AMOT: variants seen among roughly 807,000 people sequenced by gnomAD.
AMOT encodes angiomotin.
A neutral mutation model predicts 67.0 loss-of-function variants in AMOT; 11 were observed. The ratio of observed to expected loss-of-function variants is 0.16; its 90% CI spans 0.10 to 0.27. AMOT has a LOEUF of 0.27. Among genes scored for constraint, AMOT ranks in the 10% least tolerant of loss-of-function variants. The pLI is 1.00. For missense variants in AMOT, 753 were observed against 852.0 expected (o/e 0.88, Z 1.45); for synonymous variants, 326 against 321.4 (o/e 1.01, Z -0.15).
chrX:112,807,395 C>T (rs12392576), intron 7 of AMOT, among the ~76,000 whole-genome samples: 35 of 109,965 alleles, frequency 3.2e-4, no homozygotes, highest in Middle Eastern at 9.2e-3. Flanking sequence ...CACACACACA[C>T]GAAAAAACCT....
At chrX:112,829,561 C>T (rs1022123388) in intron 2 of AMOT, among the ~76,000 whole-genome samples, 4 of 111,993 alleles carry the variant, frequency 3.6e-5, no homozygotes, top group Non-Finnish European at 7.5e-5. Flanking sequence ...GCAAGGACAG[C>T]TTAATACACT....
At chrX:112,833,531 T>TA (rs11368791) in intron 1 of AMOT, among the ~76,000 whole-genome samples, 12,941 of 107,796 alleles carry the variant, frequency 0.12, 1,073 homozygotes, top group African/African-American at 0.27. Context: ...GTTTGCTTTT[T>TA]AAAAAAACAA....
At chrX:112,810,743 A>T (rs1423823138) in intron 6 of AMOT, among the ~76,000 whole-genome samples, 1 of 111,646 alleles carries the variant, frequency 9.0e-6, no homozygotes, top group Admixed American at 9.5e-5. Context: ...AAGGAAAAAA[A>T]AAAGAAAGTA....
At chrX:112,821,568 A>G (rs758022843) in intron 4 of AMOT, among the ~76,000 whole-genome samples, 62 of 111,754 alleles carry the variant, frequency 5.5e-4, no homozygotes, top group Middle Eastern at 4.7e-3. Context: ...TTAGCATCTG[A>G]CCAAAATTTC....
intron 8 of AMOT, among the ~76,000 whole-genome samples, chrX:112,797,898 G>GAGAAAGAAAGAAAGAA (rs546026722): frequency 5.5e-5 from 6 of 109,555 alleles, no homozygotes; most frequent in Non-Finnish European, 1.1e-4. Flanking sequence ...GAGAGAAAGA[G>GAGAAAGAAAGAAAGAA]AGAAAGAAAG....
intron 2 of AMOT, among the ~76,000 whole-genome samples, chrX:112,828,600 A>G (rs1386617291): frequency 9.1e-6 from 1 of 109,868 alleles, no homozygotes; most frequent in Non-Finnish European, 1.9e-5. Context: ...AACTCAGTCT[A>G]CTACACAGGG....
At chrX:112,785,915 G>A (rs1203425642) in intron 10 of AMOT, among the ~76,000 whole-genome samples, 1 of 112,350 alleles carries the variant, frequency 8.9e-6, no homozygotes, top group African/African-American at 3.2e-5. Context: ...ATGAAATACT[G>A]TTTGCTGTAA....
intron 5 of AMOT, among the ~76,000 whole-genome samples, chrX:112,814,912 T>C (rs1017080402): frequency 8.0e-5 from 9 of 112,023 alleles, no homozygotes; most frequent in Non-Finnish European, 1.7e-4. Context: ...GCTCAAACTT[T>C]AGCTGGTGAG....
chrX:112,824,895 C>A (rs926969766), intron 3 of AMOT, among the ~76,000 whole-genome samples, 177 bp downstream of exon 3: 1 of 111,104 alleles, frequency 9.0e-6, no homozygotes, highest in African/African-American at 3.3e-5. Flanking sequence ...AAGTGATTTA[C>A]AAACCCTCCC....
At chrX:112,799,585 T>C (rs1244595068) in intron 8 of AMOT, among the ~76,000 whole-genome samples, 6 of 112,113 alleles carry the variant, frequency 5.4e-5, no homozygotes, top group African/African-American at 1.9e-4. Context: ...TGATTTAGTC[T>C]TACCCAGGAG....
intron 1 of AMOT, among the ~76,000 whole-genome samples, chrX:112,838,338 G>C (rs933609077): frequency 1.8e-5 from 2 of 112,010 alleles, no homozygotes; most frequent in African/African-American, 6.5e-5. Context: ...GAAGAAAGGG[G>C]GATGGGGAAG....
intron 8 of AMOT, among the ~76,000 whole-genome samples, chrX:112,798,351 T>G (rs1192308994): frequency 1.8e-5 from 2 of 112,665 alleles, no homozygotes; most frequent in Non-Finnish European, 3.7e-5. Flanking sequence ...TTTAAAGATT[T>G]TATTCATGTG....
At chrX:112,838,282 T>C (rs1358617391) in intron 1 of AMOT, among the ~76,000 whole-genome samples, 2 of 111,168 alleles carry the variant, frequency 1.8e-5, no homozygotes, top group Non-Finnish European at 3.8e-5. Flanking sequence ...GAGAAACCCC[T>C]CTTGTCTCCA....
At chrX:112,836,500 T>C (rs966456435) in intron 1 of AMOT, among the ~76,000 whole-genome samples, 8 of 111,252 alleles carry the variant, frequency 7.2e-5, no homozygotes, top group Admixed American at 9.6e-5. Flanking sequence ...AAGTCTTGGG[T>C]GGGCTCTTAT....
intron 4 of AMOT, among the ~76,000 whole-genome samples, chrX:112,819,763 A>C (rs772670872): frequency 1.8e-5 from 2 of 112,531 alleles, no homozygotes; most frequent in Admixed American, 9.4e-5. Flanking sequence ...AATTTTGTTC[A>C]TTTTAACAGC....
intron 10 of AMOT, among the ~76,000 whole-genome samples, chrX:112,783,597 C>G (rs749573113): frequency 9.0e-6 from 1 of 111,395 alleles, no homozygotes; most frequent in Non-Finnish European, 1.9e-5. Flanking sequence ...AGTGACTGTT[C>G]TCTTGCCAGA....
At chrX:112,833,892 G>A (rs747356574) in intron 1 of AMOT, among the ~76,000 whole-genome samples, 52 of 112,275 alleles carry the variant, frequency 4.6e-4, no homozygotes, top group Non-Finnish European at 6.9e-4. Context: ...TGGAACAAAT[G>A]TCACTAATTC....
chrX:112,833,396 C>T (rs1425125642), intron 1 of AMOT, among the ~76,000 whole-genome samples: 1 of 106,984 alleles, frequency 9.3e-6, no homozygotes, highest in African/African-American at 3.4e-5. Context: ...CAGAAAGCAC[C>T]AGGTCAGAAA....
chrX:112,812,629 A>T (rs1353631020), intron 5 of AMOT, among the ~76,000 whole-genome samples: 1 of 112,300 alleles, frequency 8.9e-6, no homozygotes, highest in East Asian at 2.8e-4. Flanking sequence ...ATTTGCATAT[A>T]ATTTGTATAA....
Sources: gnomAD v4.1 joint callset for allele counts (sites outside exome capture counted in the v4.1 genomes callset) on GRCh38, gnomAD v4.1.1 for gene constraint, MANE v1.5 for transcripts, NCBI Gene and HGNC (gene_info 2026-07-23, HGNC 2026-07-21) for gene names.